The following LRRC41 variants were observed in gnomAD, a reference collection of about 807,000 sequenced individuals.
LRRC41 encodes the protein leucine rich repeat containing 41.
LRRC41 carries 17 observed loss-of-function variants against 72.1 expected under a neutral mutation model. That is an observed-to-expected ratio of 0.24 (90% confidence interval 0.16 to 0.35). The LOEUF (loss-of-function observed/expected upper bound fraction) is 0.35. Among genes scored for constraint, LRRC41 ranks in the 10% least tolerant of loss-of-function variants. The pLI, the probability that LRRC41 is intolerant of heterozygous loss-of-function variation, is 1.00. For missense variants in LRRC41, 759 were observed against 1,065.0 expected (o/e 0.71, Z 4.00); for synonymous variants, 427 against 431.0 (o/e 0.99, Z 0.11).
At position 46,285,305 on chromosome 1, in the gene LRRC41, C is replaced by A. The variant is rs1348395512; in HGVS notation, c.1495+57G>T. Reference sequence around the variant, plus strand: ...CCTCCCACCTCCCTAGAATTAGGCACACAGCTGGTGCTGCTAGGCAATCTA... The same window carrying A: ...CCTCCCACCTCCCTAGAATTAGGCAAACAGCTGGTGCTGCTAGGCAATCTA... On this transcript the variant is annotated intron_variant, in intron 4 of 9. Coordinates refer to ENST00000617190, the MANE Select transcript of LRRC41 (RefSeq NM_006369.5). The surrounding 1 kb of genome is among the most constrained non-coding windows in gnomAD (Gnocchi z 5.3). 1 of 1,579,000 alleles carries A rather than the reference C, an allele frequency of 6.3e-7. No individual in the cohort carries two copies. Among genetic ancestry groups the A allele is most frequent in the Non-Finnish European group, 8.6e-7 (1 of 1,159,000 alleles).
At chr1:46,303,082 C>G (rs1325954606) in intron 1 of LRRC41, 42 bp downstream of exon 1, 1 of 1,354,232 alleles carries the variant, frequency 7.4e-7, no homozygotes, top group African/African-American at 1.5e-5. Context: ...CTGGGCCGCC[C>G]CTTGCTCTTA....
chr1:46,293,381 A>C (rs1284723439), intron 3 of LRRC41, among the ~76,000 whole-genome samples: 1 of 151,774 alleles, frequency 6.6e-6, no homozygotes, highest in African/African-American at 2.4e-5. Flanking sequence ...CTGGGACTAG[A>C]GGCGCACACC....
At chr1:46,284,538 G>A (rs942258405) in intron 4 of LRRC41, 6 of 152,148 alleles carry the variant, frequency 3.9e-5, no homozygotes, top group African/African-American at 1.2e-4. Flanking sequence ...ATACTTTGTT[G>A]TGAAGCTCTA....
intron 3 of LRRC41, among the ~76,000 whole-genome samples, chr1:46,289,178 C>T (rs78473515): frequency 6.6e-4 from 100 of 152,322 alleles, no homozygotes; most frequent in Middle Eastern, 3.4e-3. Context: ...ACACCCCAGA[C>T]ACAACTGCAG....
rs202214736 is a variant in LRRC41, at chr1:46,281,281, G to C, written c.1600C>G (p.Leu534Val). The stretch of plus-strand genomic sequence containing the variant: ...GCACGTGTCAGCTCCAGGATGGGCA[G>C]TGGTGAGAACAGGTCACTGAGATGC... Reference protein sequence around the residue: ...ALHLSDLFSPLPILELTRAIV... With the variant: ...ALHLSDLFSPVPILELTRAIV... The change falls in exon 5 of 10, where the codon CTG (leucine) becomes GTG (valine). Residue 534 changes from leucine (L) to valine (V), a missense_variant. By Grantham distance (32) the Leu-to-Val change is conservative (BLOSUM62 1). Coordinates refer to ENST00000617190, the MANE Select transcript of LRRC41 (RefSeq NM_006369.5). The C allele has an allele frequency of 1.2e-6, 2 of 1,614,220 alleles. No homozygotes were observed. Among genetic ancestry groups the C allele is most frequent in the East Asian group, 2.2e-5 (1 of 44,886 alleles).
intron 1 of LRRC41, chr1:46,301,986 C>T (rs965316369): frequency 3.0e-6 from 3 of 985,276 alleles, no homozygotes; most frequent in East Asian, 1.1e-4. Flanking sequence ...CTCACTTTCC[C>T]CTCTTTCACT....
At chr1:46,282,950 A>C (rs184077040) in intron 4 of LRRC41, among the ~76,000 whole-genome samples, 18 of 151,162 alleles carry the variant, frequency 1.2e-4, no homozygotes, top group South Asian at 6.3e-4. Context: ...CTTGGACCCG[A>C]GAGGCGGAGG....
In LRRC41 at chr1:46,285,387, C is replaced by A; in HGVS notation, c.1470G>T (p.Leu490=). 6.2e-7 allele frequency: 1 copy of A among 1,614,112 alleles called. No individual in the cohort carries two copies. The highest frequency in any genetic ancestry group is 8.5e-7 in the Non-Finnish European group (1 of 1,179,990). ...LCHLLSSWVS[L]ESLTLSYNGL... ...CATTGTAGGAGAGTGTGAGGCTCTC[C>A]AGTGACACCCAGGAGCTCAGCAGGT... Residue 490 remains leucine (L), a synonymous_variant, in exon 4 of 10, where the codon CTG becomes CTT. Coordinates refer to ENST00000617190, the MANE Select transcript of LRRC41 (RefSeq NM_006369.5). The surrounding 1 kb of genome is among the most constrained non-coding windows in gnomAD (Gnocchi z 5.3).
In LRRC41 at chr1:46,285,744, T is replaced by G. The variant is rs766401063; in HGVS notation, c.1113A>C (p.Thr371=). 4.1e-5 allele frequency: 65 copies of G among 1,603,580 alleles called. No individual in the cohort carries two copies. Among genetic ancestry groups the G allele is most frequent in the Non-Finnish European group, 5.4e-5 (63 of 1,174,726 alleles). Residue 371 remains threonine (T), a synonymous_variant, in exon 4 of 10, where the codon ACA becomes ACC. Coordinates refer to ENST00000617190, the MANE Select transcript of LRRC41 (RefSeq NM_006369.5). This position sits in a 1 kb window ranked among gnomAD's most constrained non-coding sequence, Gnocchi z 5.3. ...TAGCTGGTGCCCGTTTGTATGAGGATGTAGAAGAAGAGGCAGAGGAGGTGG... is the reference window on the plus strand; with the variant it reads ...TAGCTGGTGCCCGTTTGTATGAGGAGGTAGAAGAAGAGGCAGAGGAGGTGG... ...PAATSSASSS[T]SSYKRAPASS...
chr1:46,288,545 C>A (rs1159309122), intron 3 of LRRC41, among the ~76,000 whole-genome samples: 1 of 152,190 alleles, frequency 6.6e-6, no homozygotes, highest in East Asian at 1.9e-4. Flanking sequence ...GCTGTGGGGG[C>A]CTGAGGTTCC....
intron 3 of LRRC41, among the ~76,000 whole-genome samples, chr1:46,289,842 G>A (rs905188572): frequency 2.0e-5 from 3 of 152,262 alleles, no homozygotes; most frequent in Middle Eastern, 6.8e-3. Flanking sequence ...TTATGGACTC[G>A]TATGCTATCA....
At chr1:46,301,700 C>T (rs1473475629) in intron 1 of LRRC41, among the ~76,000 whole-genome samples, 8 of 152,026 alleles carry the variant, frequency 5.3e-5, no homozygotes, top group African/African-American at 1.9e-4. Flanking sequence ...CCTGCAACCT[C>T]GAGTCCTCAA....
chr1:46,295,883 G>A (rs548748908), intron 3 of LRRC41, among the ~76,000 whole-genome samples: 7 of 152,316 alleles, frequency 4.6e-5, no homozygotes, highest in East Asian at 1.9e-4. Flanking sequence ...TGAATAAGCC[G>A]AAGGAGATGG....
In LRRC41 at chr1:46,279,733, A is replaced by G; in HGVS notation, c.2021-119T>C. ...TATAGAGGCCCAAAAAGAGGAAGGAATTTGTCTAGACTCCAAGCAAGGCTG... is the reference window on the plus strand; with the variant it reads ...TATAGAGGCCCAAAAAGAGGAAGGAGTTTGTCTAGACTCCAAGCAAGGCTG... On this transcript the variant is annotated intron_variant, in intron 7 of 9. Coordinates refer to ENST00000617190, the MANE Select transcript of LRRC41 (RefSeq NM_006369.5). The surrounding 1 kb of genome is among the most constrained non-coding windows in gnomAD (Gnocchi z 4.5). The G allele has an allele frequency of 8.3e-7, 1 of 1,197,772 alleles. No individual in the cohort carries two copies. The highest frequency in any genetic ancestry group is 2.3e-5 in the East Asian group (1 of 42,624). The allele number at this position is 1,197,772 out of a possible 1,614,324, so 74.2% of individuals were successfully genotyped here. A position where few individuals can be genotyped will look rare whatever the true frequency, so the allele number is the denominator to read the frequency against.
Position 46,287,268 on chromosome 1 carries a change from C to T in LRRC41, c.358-769G>A, listed in dbSNP as rs150644494. ...GGACTACAGGCACCCGCCACCACGC[C>T]AGGCTAATTTTTTGTATTTTTAGTA... On this transcript the variant is annotated intron_variant, in intron 3 of 9. Transcript: ENST00000617190. Among the ~76,000 whole-genome samples, 601 of 152,278 alleles carry T rather than the reference C, an allele frequency of 3.9e-3. 2 individuals are homozygous for T. Among genetic ancestry groups the T allele is most frequent in the South Asian group, 0.01 (50 of 4,818 alleles).
At position 46,290,919 on chromosome 1, in the gene LRRC41, T is replaced by TTG. The variant is rs889005024; in HGVS notation, c.358-4421_358-4420insCA. Among the ~76,000 whole-genome samples the TTG allele has an allele frequency of 2.5e-4, 26 of 103,628 alleles. 1 individual carries two copies. The highest frequency in any genetic ancestry group is 4.5e-3 in the Middle Eastern group (1 of 224). The allele number at this position is 103,628 out of a possible 152,430, so 68.0% of individuals were successfully genotyped here. A position where few individuals can be genotyped will look rare whatever the true frequency, so the allele number is the denominator to read the frequency against. On this transcript the variant is annotated intron_variant, in intron 3 of 9. Transcript: ENST00000617190. ...CACCATGCCCGGCCTGTTTCTAGTTTTTTTTTTTTTTTTTTTTTTTTTTTT... is the reference window on the plus strand; with the variant it reads ...CACCATGCCCGGCCTGTTTCTAGTTTTGTTTTTTTTTTTTTTTTTTTTTTTTT...
At position 46,285,110 on chromosome 1, in the gene LRRC41, A is replaced by G. The variant is rs963508976; in HGVS notation, c.1495+252T>C. ...TGCCTTCCATATCTAAAATGTATTC[A>G]TTCTTCAGATTCCAGCTGGCTTGTC... On this transcript the variant is annotated intron_variant, in intron 4 of 9. Transcript: ENST00000617190. The surrounding 1 kb of genome is among the most constrained non-coding windows in gnomAD (Gnocchi z 5.3). 6.9e-5 allele frequency: 37 copies of G among 539,434 alleles called. No homozygotes were observed. Among genetic ancestry groups the G allele is most frequent in the Admixed American group, 2.2e-4 (7 of 32,316 alleles). The allele number at this position is 539,434 out of a possible 1,614,324, so 33.4% of individuals were successfully genotyped here.
rs764204516 is a variant in LRRC41, at chr1:46,278,797, G to A, written c.*68C>T. 1.4e-6 allele frequency: 2 copies of A among 1,449,526 alleles called. No homozygotes were observed. The highest frequency in any genetic ancestry group is 2.3e-5 in the South Asian group (2 of 86,880). The allele number at this position is 1,449,526 out of a possible 1,614,324, so 89.8% of individuals were successfully genotyped here. A position where few individuals can be genotyped will look rare whatever the true frequency, so the allele number is the denominator to read the frequency against. On this transcript the variant is annotated 3_prime_UTR_variant, in exon 10 of 10. Transcript: ENST00000617190. ...AGATAGAACTGGTGGTTGGGGTTCT[G>A]GGCAGCCCATGCTTCAGCCCCTGCA...
intron 3 of LRRC41, among the ~76,000 whole-genome samples, chr1:46,290,250 A>G (rs1448422475): frequency 6.6e-6 from 1 of 152,172 alleles, no homozygotes; most frequent in African/African-American, 2.4e-5. Flanking sequence ...TCTACTAAAA[A>G]TAGAAAAAAT....
Sources: gnomAD v4.1 joint callset for allele counts (sites outside exome capture counted in the v4.1 genomes callset) on GRCh38, gnomAD v4.1.1 for gene constraint, Gnocchi (gnomAD v3.1) non-coding constraint, MANE v1.5 for transcripts, NCBI Gene and HGNC (gene_info 2026-07-23, HGNC 2026-07-21) for gene names.